The following CEACAM21 variants were observed in gnomAD, a reference collection of about 807,000 sequenced individuals.
CEACAM21 encodes cell adhesion molecule CEACAM21.
Under a neutral mutation model 33.2 loss-of-function variants are expected in CEACAM21, and 38 were observed. That is an observed-to-expected ratio of 1.14 (90% confidence interval 0.88 to 1.50). The LOEUF (loss-of-function observed/expected upper bound fraction) is 1.50, where lower values mean the gene tolerates loss of function less well. Among genes scored for constraint, CEACAM21 ranks in the 40% most tolerant of loss-of-function variants. The pLI, the probability that CEACAM21 is intolerant of heterozygous loss-of-function variation, is 0.00. For missense variants in CEACAM21, 385 were observed against 364.6 expected, an observed-to-expected ratio of 1.06 and a Z score of -0.46; for synonymous variants, 156 against 143.0, an observed-to-expected ratio of 1.09 and a Z score of -0.65.
chr19:41,562,795 C>G (rs2041974542), intron 1 of CEACAM21, among the ~76,000 whole-genome samples: 1 of 151,738 alleles, frequency 6.6e-6, no homozygotes, highest in Non-Finnish European at 1.5e-5. Context: ...GTGGCGCGAT[C>G]TCGGCGCAGT....
chr19:41,585,528 AACT>A (rs782493415), intron 5 of CEACAM21, 33 bp downstream of exon 5: 4 of 1,610,550 alleles, frequency 2.5e-6, no homozygotes, highest in Admixed American at 3.3e-5. Flanking sequence ...TGTGGCTGGG[AACT>A]ACTAAGCCAG....
intron 1 of CEACAM21, among the ~76,000 whole-genome samples, chr19:41,560,462 C>T (rs782049836): frequency 7.2e-5 from 11 of 152,120 alleles, no homozygotes; most frequent in Admixed American, 2.6e-4. Flanking sequence ...CCTCCTGCCC[C>T]GGCCTCCATT....
chr19:41,572,234 C>G (rs1248055066), upstream of CEACAM21, among the ~76,000 whole-genome samples: 2 of 152,062 alleles, frequency 1.3e-5, no homozygotes, highest in Admixed American at 6.5e-5. Flanking sequence ...TTTAAAAGAC[C>G]ATTCTGGTAT....
chr19:41,570,737 A>G (rs2042548257), intron 2 of CEACAM21, among the ~76,000 whole-genome samples: 1 of 152,176 alleles, frequency 6.6e-6, no homozygotes, highest in Non-Finnish European at 1.5e-5. Flanking sequence ...GGGTTGTGGC[A>G]GTAAAAGCAG....
chr19:41,578,734 C>T (rs149527802), intron 2 of CEACAM21, among the ~76,000 whole-genome samples: 1 of 152,312 alleles, frequency 6.6e-6, no homozygotes, highest in African/African-American at 2.4e-5. Context: ...GTCCAAGCCT[C>T]TCCCATCAGA....
intron 1 of CEACAM21, chr19:41,551,195 T>C (rs1454744909): frequency 6.7e-6 from 1 of 150,110 alleles, no homozygotes; most frequent in Non-Finnish European, 1.5e-5. Flanking sequence ...GTTTCACTCT[T>C]CTTGCCCAGG....
At chr19:41,575,884 G>A (rs2042904231), upstream of CEACAM21, among the ~76,000 whole-genome samples, 1 of 152,170 alleles carries the variant, frequency 6.6e-6, no homozygotes, top group Non-Finnish European at 1.5e-5. Flanking sequence ...GGCCCAGCTG[G>A]TTTTGTGTGT....
chr19:41,550,821 T>C (rs1044889867), intron 1 of CEACAM21: 1 of 152,178 alleles, frequency 6.6e-6, no homozygotes, highest in Non-Finnish European at 1.5e-5. Flanking sequence ...ATCCTATATG[T>C]TACGGTAAAA....
intron 2 of CEACAM21, among the ~76,000 whole-genome samples, chr19:41,567,952 G>A (rs1315485561): frequency 6.6e-6 from 1 of 151,510 alleles, no homozygotes; most frequent in East Asian, 1.9e-4. Context: ...TTTGTTTTGG[G>A]ATTGGCTTCC....
At chr19:41,565,281 G>A (rs1314872925) in intron 2 of CEACAM21, among the ~76,000 whole-genome samples, 2 of 152,094 alleles carry the variant, frequency 1.3e-5, no homozygotes, top group Non-Finnish European at 1.5e-5. Flanking sequence ...GTGGGGAGGA[G>A]AAGGGGGTGG....
chr19:41,581,858 C>A (rs1334913474), intron 3 of CEACAM21, among the ~76,000 whole-genome samples: 1 of 152,152 alleles, frequency 6.6e-6, no homozygotes, highest in African/African-American at 2.4e-5. Context: ...TGAAGAAGAG[C>A]CAAACCATGT....
exon 2 of CEACAM21, chr19:41,564,951 G>A (rs1291353592): frequency 6.6e-6 from 1 of 152,368 alleles, no homozygotes; most frequent in Admixed American, 6.5e-5. Context: ...CCCAAGCTGC[G>A]AAGGGTGAGG....
intron 2 of CEACAM21, among the ~76,000 whole-genome samples, chr19:41,579,117 G>C (rs1395367016): frequency 6.6e-6 from 1 of 152,024 alleles, no homozygotes; most frequent in African/African-American, 2.4e-5. Flanking sequence ...CTGTGGGAGG[G>C]TTTTCAGGGC....
intron 1 of CEACAM21, among the ~76,000 whole-genome samples, chr19:41,576,539 C>T (rs2042961277): frequency 1.3e-5 from 2 of 152,228 alleles, no homozygotes; most frequent in Admixed American, 6.5e-5. Flanking sequence ...TCCATGTTTT[C>T]AAGTTCATTG....
At chr19:41,570,715 C>T (rs1860255) in intron 2 of CEACAM21, among the ~76,000 whole-genome samples, 64,075 of 151,972 alleles carry the variant, frequency 0.42, 17,811 homozygotes, top group African/African-American at 0.8. Flanking sequence ...AAATCTAGAG[C>T]GTGGAGGGCT....
intron 1 of CEACAM21, among the ~76,000 whole-genome samples, chr19:41,554,462 T>C (rs567979289): frequency 2.0e-5 from 3 of 152,150 alleles, no homozygotes; most frequent in South Asian, 4.1e-4. Context: ...CACTGAGATA[T>C]AGCAGAATTA....
chr19:41,558,484 A>T (rs2041675120), intron 1 of CEACAM21, among the ~76,000 whole-genome samples: 1 of 152,102 alleles, frequency 6.6e-6, no homozygotes, highest in Non-Finnish European at 1.5e-5. Context: ...CATCTCTACT[A>T]AAAATACAAA....
At chr19:41,558,430 G>T (rs183193852) in intron 1 of CEACAM21, among the ~76,000 whole-genome samples, 280 of 152,274 alleles carry the variant, frequency 1.8e-3, no homozygotes, top group African/African-American at 6.5e-3. Context: ...GGTAGATCAT[G>T]AGGTCAGGAG....
intron 3 of CEACAM21, 119 bp downstream of exon 3, chr19:41,579,747 T>C (rs1291257803): frequency 1.4e-6 from 1 of 730,628 alleles, no homozygotes. Context: ...TGGGGAGCAA[T>C]GTGGGTAAGA....
Sources: gnomAD v4.1 joint callset for allele counts (sites outside exome capture counted in the v4.1 genomes callset) on GRCh38, gnomAD v4.1.1 for gene constraint, MANE v1.5 for transcripts, NCBI Gene and HGNC (gene_info 2026-07-23, HGNC 2026-07-21) for gene names.